The following FAM81B variants were observed in gnomAD, a reference collection of about 807,000 sequenced individuals.
FAM81B encodes the protein protein FAM81B.
FAM81B carries 60 observed loss-of-function variants against 58.7 expected under a neutral mutation model. That is an observed-to-expected ratio of 1.02 (90% CI 0.83 to 1.27). The LOEUF (loss-of-function observed/expected upper bound fraction) is 1.27. FAM81B is among the 50% of genes most tolerant of loss of function. The pLI is 0.00. For missense variants in FAM81B, 491 were observed against 522.0 expected (o/e 0.94, Z 0.58); for synonymous variants, 189 against 179.6 (o/e 1.05, Z -0.42).
intron 3 of FAM81B, 81 bp downstream of exon 3, chr5:95,396,256 CTG>C (rs1561288471): frequency 8.9e-7 from 1 of 1,121,604 alleles, no homozygotes; most frequent in Admixed American, 2.4e-5. Flanking sequence ...AGAAAAAATC[CTG>C]TGTTTAATTA....
chr5:95,403,529 G>A (rs558691464), intron 3 of FAM81B, among the ~76,000 whole-genome samples: 1 of 152,122 alleles, frequency 6.6e-6, no homozygotes, highest in Admixed American at 6.6e-5. Context: ...ACCAAAAATG[G>A]TTTAAATGTA....
intron 7 of FAM81B, among the ~76,000 whole-genome samples, chr5:95,437,557 G>A (rs534546989): frequency 3.9e-5 from 6 of 152,086 alleles, no homozygotes; most frequent in South Asian, 4.2e-4. Context: ...GGCTGGTCTC[G>A]AACTCCTGAC....
At chr5:95,437,535 T>C (rs1013666705) in intron 7 of FAM81B, among the ~76,000 whole-genome samples, 2 of 152,088 alleles carry the variant, frequency 1.3e-5, no homozygotes, top group East Asian at 1.9e-4. Context: ...AGACCGGGTT[T>C]CTCCATGTTG....
chr5:95,391,548 C>T, intron 1 of FAM81B, 35 bp downstream of exon 1: 4 of 1,572,312 alleles, frequency 2.5e-6, no homozygotes, highest in Middle Eastern at 1.8e-4. Context: ...CTAAATTTCT[C>T]CTACTTCACT....
rs190027464 is a variant in FAM81B, at chr5:95,424,250, C to T, written c.656+3848C>T. 1.1e-4 allele frequency: 137 copies of T among 1,278,960 alleles called. No homozygotes were observed. The African/African-American group carries it at 2.1e-3, about 19-fold the overall frequency. The allele number at this position is 1,278,960 out of a possible 1,614,324, so 79.2% of individuals were successfully genotyped here. On this transcript the variant is annotated intron_variant, in intron 5 of 9. Transcript: ENST00000283357. ...TTAGAATGCAGTCATGCATATGAAT[C>T]ACTTCCACTATCATCCCCAGATAGA...
Position 95,403,971 on chromosome 5 carries a change from A to G in FAM81B, c.293+7796A>G, listed in dbSNP as rs191070209. Reference sequence around the variant, plus strand: ...GTTGGGGGTGGCTGTTGGGAGGGTAACCAATGGTATCTGCCATACTGAGAA... The same window carrying G: ...GTTGGGGGTGGCTGTTGGGAGGGTAGCCAATGGTATCTGCCATACTGAGAA... On this transcript the variant is annotated intron_variant, in intron 3 of 9. Coordinates refer to ENST00000283357, the MANE Select transcript of FAM81B (RefSeq NM_152548.3). Among the ~76,000 whole-genome samples, 5 of 152,310 alleles carry G rather than the reference A, an allele frequency of 3.3e-5. No homozygotes were observed. In the East Asian group the frequency reaches 7.7e-4, roughly 24 times the overall value.
At chr5:95,435,458 G>GA (rs1461358076) in intron 6 of FAM81B, among the ~76,000 whole-genome samples, 7 of 152,126 alleles carry the variant, frequency 4.6e-5, no homozygotes, top group African/African-American at 1.7e-4. Flanking sequence ...TGGGCACTGG[G>GA]AAAAAATGAA....
At chr5:95,446,145 A>C (rs570495431) in intron 7 of FAM81B, among the ~76,000 whole-genome samples, 2 of 152,302 alleles carry the variant, frequency 1.3e-5, no homozygotes, top group East Asian at 1.9e-4. Context: ...AATATTTACT[A>C]TCTGGCCTTT....
At position 95,446,527 on chromosome 5, in the gene FAM81B, CTTAT is replaced by C. The variant is rs766188964; in HGVS notation, c.894-31_894-28del. Reference sequence around the variant, plus strand: ...TACTAATTTTTTATGTTTAAATTAACTTATTTAAATGAAACAAAACATTTTTTCC... The same window carrying C: ...TACTAATTTTTTATGTTTAAATTAACTTAAATGAAACAAAACATTTTTTCC... On this transcript the variant is annotated intron_variant, in intron 7 of 9. Transcript: ENST00000283357. The C allele has an allele frequency of 3.9e-4, 590 of 1,501,672 alleles. 4 individuals are homozygous for C. In the Middle Eastern group the frequency reaches 6.6e-3, roughly 17 times the overall value. 93.0% of individuals were successfully genotyped at this position (1,501,672 alleles called of 1,614,324 possible).
intron 7 of FAM81B, among the ~76,000 whole-genome samples, chr5:95,443,321 A>G (rs1261625133): frequency 6.6e-6 from 1 of 151,872 alleles, no homozygotes; most frequent in Non-Finnish European, 1.5e-5. Flanking sequence ...GTGTACTTTA[A>G]TTTGATTAAA....
At chr5:95,427,114 G>C (rs1465565793) in intron 5 of FAM81B, among the ~76,000 whole-genome samples, 1 of 152,072 alleles carries the variant, frequency 6.6e-6, no homozygotes, top group Non-Finnish European at 1.5e-5. Context: ...TGGTCTATCT[G>C]ACACCAGAAA....
intron 7 of FAM81B, among the ~76,000 whole-genome samples, chr5:95,442,553 C>T (rs1347357051): frequency 6.6e-6 from 1 of 152,196 alleles, no homozygotes; most frequent in Non-Finnish European, 1.5e-5. Context: ...GTTTCCATCT[C>T]ACAATTCTGT....
At position 95,414,102 on chromosome 5, in the gene FAM81B, G is replaced by A. The variant is rs374860699; in HGVS notation, c.449G>A (p.Arg150Gln). 193 of 1,614,036 alleles carry A rather than the reference G, an allele frequency of 1.2e-4. No individual in the cohort carries two copies. The highest frequency in any genetic ancestry group is 1.6e-4 in the Non-Finnish European group (183 of 1,179,988). ...SACLQGTHGF[R>Q]KEESLARKLL... Reference sequence around the variant, plus strand: ...TGCCTGCAGGGGACCCATGGCTTTCGAAAAGAGGAATCGCTCGCCAGGAAG... The same window carrying A: ...TGCCTGCAGGGGACCCATGGCTTTCAAAAAGAGGAATCGCTCGCCAGGAAG... The change falls in exon 4 of 10, where the codon CGA becomes CAA. Residue 150 changes from arginine (R) to glutamine (Q), a missense_variant. Arg to Gln is a conservative substitution (Grantham distance 43, BLOSUM62 1). Coordinates refer to ENST00000283357, the MANE Select transcript of FAM81B (RefSeq NM_152548.3).
intron 6 of FAM81B, among the ~76,000 whole-genome samples, chr5:95,436,583 CTAT>C (rs1375425904): frequency 6.6e-6 from 1 of 152,166 alleles, no homozygotes; most frequent in Non-Finnish European, 1.5e-5. Context: ...GGAACACTCC[CTAT>C]TATTCTTTCC....
intron 5 of FAM81B, among the ~76,000 whole-genome samples, chr5:95,421,891 C>T (rs767485968): frequency 2.6e-5 from 4 of 152,218 alleles, no homozygotes; most frequent in Non-Finnish European, 2.9e-5. Context: ...AGTTTCTGGG[C>T]TTGGAGACTG....
chr5:95,408,463 G>A (rs1356116402), intron 3 of FAM81B, among the ~76,000 whole-genome samples: 2 of 152,174 alleles, frequency 1.3e-5, no homozygotes, highest in Non-Finnish European at 2.9e-5. Flanking sequence ...TATTACATTT[G>A]TATGGACCCG....
intron 3 of FAM81B, among the ~76,000 whole-genome samples, chr5:95,409,343 G>GTGAA (rs1762348217): frequency 6.6e-6 from 1 of 151,920 alleles, no homozygotes; most frequent in East Asian, 1.9e-4. Context: ...ATTTTTAGTA[G>GTGAA]AGATGGGGTT....
intron 7 of FAM81B, chr5:95,440,093 T>A (rs1056429330): frequency 3.8e-6 from 2 of 525,258 alleles, no homozygotes; most frequent in Non-Finnish European, 7.4e-6. Flanking sequence ...CACTACAAGA[T>A]TGAAGACAGC....
chr5:95,448,155 T>C (rs1437842152), intron 8 of FAM81B, 114 bp from the exon 9 acceptor site: 1 of 964,392 alleles, frequency 1.0e-6, no homozygotes, highest in Non-Finnish European at 1.5e-6. Context: ...CAAAGGAACT[T>C]GGTTTGAATT....
Sources: gnomAD v4.1 joint callset for allele counts (sites outside exome capture counted in the v4.1 genomes callset) on GRCh38, gnomAD v4.1.1 for gene constraint, MANE v1.5 for transcripts, NCBI Gene and HGNC (gene_info 2026-07-23, HGNC 2026-07-21) for gene names.